GLOD4: variants seen among roughly 807,000 people sequenced by gnomAD.
GLOD4 encodes the protein glyoxalase domain containing 4, also known as glyoxalase domain-containing protein 4.
A neutral mutation model predicts 39.1 loss-of-function variants in GLOD4; 44 were observed. The ratio of observed to expected loss-of-function variants is 1.13; its 90% CI spans 0.88 to 1.45. GLOD4 has a LOEUF of 1.45. GLOD4 is among the 40% of genes most tolerant of loss of function. The pLI is 0.00. For missense variants in GLOD4, 405 were observed against 366.4 expected, an observed-to-expected ratio of 1.11 and a Z score of -0.86; for synonymous variants, 145 against 135.0, an observed-to-expected ratio of 1.07 and a Z score of -0.52.
chr17:774,583 C>G (rs1908569407), intron 4 of GLOD4, among the ~76,000 whole-genome samples: 1 of 152,192 alleles, frequency 6.6e-6, no homozygotes, highest in African/African-American at 2.4e-5. Flanking sequence ...TCCTCACTTC[C>G]ATGCCATCCC....
chr17:780,315 T>C (rs182036997), intron 1 of GLOD4, among the ~76,000 whole-genome samples: 7 of 152,326 alleles, frequency 4.6e-5, no homozygotes, highest in South Asian at 2.1e-4. Flanking sequence ...TACTGCAGCA[T>C]AAAATCCAAA....
chr17:761,794 G>A (rs938954302), intron 8 of GLOD4, among the ~76,000 whole-genome samples: 5 of 152,294 alleles, frequency 3.3e-5, no homozygotes, highest in East Asian at 1.9e-4. Context: ...GTGAGCCATC[G>A]CGCCCGGCTG....
rs867538446 is a variant in GLOD4 at position 780,942 on chromosome 17, C to T, written c.90+1224G>A. Among the ~76,000 whole-genome samples the T allele has an allele frequency of 7.8e-4, 86 of 110,770 alleles. 1 individual carries two copies. The Middle Eastern group carries it at 0.026, about 33-fold the overall frequency. The allele number at this position is 110,770 out of a possible 152,430, so 72.7% of individuals were successfully genotyped here. ...CTTTTTTTTTTTTTTTTTTTTGAGA[C>T]GGAGTTTTGCTTTCGTCATCCAGGC... On this transcript the variant is annotated intron_variant, in intron 1 of 8. Transcript: ENST00000301329.
chr17:762,863 C>A (rs1457502981), intron 8 of GLOD4, among the ~76,000 whole-genome samples: 2 of 152,246 alleles, frequency 1.3e-5, no homozygotes, highest in East Asian at 3.8e-4. Context: ...ATGCTATCAA[C>A]CTTGCAGGTT....
intron 2 of GLOD4, among the ~76,000 whole-genome samples, chr17:777,893 C>G (rs772922904): frequency 1.3e-5 from 2 of 152,100 alleles, no homozygotes; most frequent in Admixed American, 6.6e-5. Flanking sequence ...GGGCTGGTCA[C>G]CAGAAAGACA....
Position 778,751 on chromosome 17 carries a change from T to C in GLOD4, c.91-7A>G. ...ATTCCTCATGCCGCAGAACCTGGTG[T>C]GAGATTTAGAATAAATTGTGAAGTG... On this transcript the variant is annotated splice_polypyrimidine_tract_variant and splice_region_variant and intron_variant, in intron 1 of 8. Transcript: ENST00000301329. 1 of 1,584,168 alleles carries C rather than the reference T, an allele frequency of 6.3e-7. No homozygotes were observed. Among genetic ancestry groups the C allele is most frequent in the Non-Finnish European group, 8.7e-7 (1 of 1,152,904 alleles).
At chr17:782,978 G>C (rs1910237696), upstream of GLOD4, 1 of 1,457,014 alleles carries the variant, frequency 6.9e-7, no homozygotes, top group Non-Finnish European at 9.1e-7. Context: ...GTGAGCCACC[G>C]CGCCCGGCCC....
At chr17:765,502 G>A (rs1265752432) in intron 8 of GLOD4, among the ~76,000 whole-genome samples, 1 of 150,022 alleles carries the variant, frequency 6.7e-6, no homozygotes, top group Non-Finnish European at 1.5e-5. Flanking sequence ...AGAAAGAGGT[G>A]CCCGTGTCTG....
At chr17:761,500 A>C (rs912234823) in intron 8 of GLOD4, among the ~76,000 whole-genome samples, 1 of 152,196 alleles carries the variant, frequency 6.6e-6, no homozygotes, top group African/African-American at 2.4e-5. Context: ...TGGAGAACCT[A>C]AGAAAGCTTT....
chr17:775,686 ACT>A lies in GLOD4; in HGVS notation c.406+87_406+88del. On this transcript the variant is annotated intron_variant, in intron 4 of 8. Coordinates refer to ENST00000301329, the MANE Select transcript of GLOD4 (RefSeq NM_016080.4). ...GGGAAGACACGTCACGTGAACACAG[ACT>A]CTACAAAAAAAAGACAGGCAGCCCT... is the stretch of plus-strand genomic sequence containing the variant. 3 of 1,048,018 alleles carry A rather than the reference ACT, an allele frequency of 2.9e-6. No individual in the cohort carries two copies. The South Asian group carries it at 4.3e-5, about 15-fold the overall frequency. 64.9% of individuals were successfully genotyped at this position (1,048,018 alleles called of 1,614,324 possible). A position where few individuals can be genotyped will look rare whatever the true frequency, so the allele number is the denominator to read the frequency against.
intron 4 of GLOD4, among the ~76,000 whole-genome samples, chr17:772,596 A>C (rs905837747): frequency 3.9e-5 from 6 of 152,200 alleles, no homozygotes; most frequent in Non-Finnish European, 7.3e-5. Context: ...TATGTAAATC[A>C]CCTGTAAATA....
rs752123389 is a variant in GLOD4, at chr17:770,388, AG to A, written c.630+32del. On this transcript the variant is annotated intron_variant, in intron 6 of 8. Coordinates refer to ENST00000301329, the MANE Select transcript of GLOD4 (RefSeq NM_016080.4). ...CTTAGCTGGGTTGAACTAGCTAGTCAGAAAGCTCAAACGATCTGGTATCAAG... is the reference window on the plus strand; with the variant it reads ...CTTAGCTGGGTTGAACTAGCTAGTCAAAAGCTCAAACGATCTGGTATCAAG... 4.5e-6 allele frequency: 5 copies of A among 1,099,642 alleles called. No homozygotes were observed. In the East Asian group the frequency reaches 7.0e-5, roughly 15 times the overall value. The allele number at this position is 1,099,642 out of a possible 1,614,324, so 68.1% of individuals were successfully genotyped here. A position where few individuals can be genotyped will look rare whatever the true frequency, so the allele number is the denominator to read the frequency against.
Position 776,894 on chromosome 17 carries a change from C to A in GLOD4, c.235G>T (p.Asp79Tyr). The A allele has an allele frequency of 6.2e-7, 1 of 1,613,388 alleles. No individual in the cohort carries two copies. The highest frequency in any genetic ancestry group is 8.5e-7 in the Non-Finnish European group (1 of 1,179,304). The part of the protein sequence containing the change: ...AELTYNYGVG[D>Y]YKLGNDFMGI... ...ATAAAGTCATTGCCAAGCTTGTAGT[C>A]TCCGACGCCATAATTGTAAGTCAGT... The change falls in exon 3 of 9, where the codon GAC becomes TAC. Residue 79 changes from aspartate (D) to tyrosine (Y), a missense_variant. Asp to Tyr is a radical substitution (Grantham distance 160, BLOSUM62 -3). Transcript: ENST00000301329.
upstream of GLOD4, chr17:783,216 G>C (rs1385086328): frequency 6.2e-7 from 1 of 1,614,130 alleles, no homozygotes; most frequent in Non-Finnish European, 8.5e-7. Context: ...TAGCCGTCTA[G>C]AATACCTAAA....
intron 1 of GLOD4, among the ~76,000 whole-genome samples, chr17:779,638 C>CAA (rs111230239): frequency 1.7e-5 from 2 of 115,142 alleles, no homozygotes. Context: ...AACTCAAACT[C>CAA]AAAAAAAAAA....
upstream of GLOD4, chr17:782,774 G>A (rs957000155): frequency 1.2e-4 from 176 of 1,416,794 alleles, no homozygotes; most frequent in African/African-American, 2.2e-3. Flanking sequence ...TCCGATGGAG[G>A]ACTTCTTCCA....
chr17:780,741 CAAAAAAAAAAA>C (rs71371577), intron 1 of GLOD4: 35 of 59,764 alleles, frequency 5.9e-4, no homozygotes, highest in African/African-American at 1.9e-3. Flanking sequence ...GACTCCACCT[CAAAAAAAAAAA>C]AAAAAAAAAA....
At chr17:777,350 C>T (rs1465982968) in intron 2 of GLOD4, 2 of 196,640 alleles carry the variant, frequency 1.0e-5, no homozygotes, top group Non-Finnish European at 2.1e-5. Context: ...CGGTACTAAG[C>T]TTAAGAGATG....
intron 4 of GLOD4, among the ~76,000 whole-genome samples, chr17:774,478 T>C (rs1020991931): frequency 2.6e-5 from 4 of 152,166 alleles, no homozygotes; most frequent in African/African-American, 9.7e-5. Flanking sequence ...AGGCATTAAA[T>C]ACAAAATGAA....
Sources: gnomAD v4.1 joint callset for allele counts (sites outside exome capture counted in the v4.1 genomes callset) on GRCh38, gnomAD v4.1.1 for gene constraint, MANE v1.5 for transcripts, NCBI Gene and HGNC (gene_info 2026-07-23, HGNC 2026-07-21) for gene names.